Variants in TACC2 observed in about 807,000 individuals in gnomAD.
TACC2 encodes transforming acidic coiled-coil containing protein 2, also known as transforming acidic coiled-coil-containing protein 2.
A neutral mutation model predicts 227.3 loss-of-function variants in TACC2; 137 were observed. The observed-to-expected ratio is 0.60, with a 90% CI of 0.52 to 0.69. The LOEUF is 0.69. Among genes scored for constraint, TACC2 ranks in the 30% least tolerant of loss-of-function variants. TACC2 has a pLI of 0.00. For synonymous variants in TACC2, 1,523 were observed against 1,487.5 expected (o/e 1.02, Z -0.55); for missense variants, 3,470 against 3,694.4 (o/e 0.94, Z 1.57).
intron 7 of TACC2, among the ~76,000 whole-genome samples, chr10:122,146,522 G>A (rs997517562): frequency 2.0e-5 from 3 of 151,962 alleles, no homozygotes; most frequent in Non-Finnish European, 4.4e-5. Context: ...AGTGGGACTG[G>A]TGGCTTTATA....
chr10:122,027,581 C>T (rs1258064808), intron 2 of TACC2, among the ~76,000 whole-genome samples: 1 of 152,022 alleles, frequency 6.6e-6, no homozygotes, highest in African/African-American at 2.4e-5. Flanking sequence ...CTATTCTTGT[C>T]CATTGATTAT....
chr10:122,141,346 C>T lies in TACC2; in HGVS notation c.5700-2226C>T, dbSNP rs1225401241. Among the ~76,000 whole-genome samples, 2 of 151,980 alleles carry T rather than the reference C, an allele frequency of 1.3e-5. No homozygotes were observed. The highest frequency in any genetic ancestry group is 4.8e-5 in the African/African-American group (2 of 41,364). ...CCAACAGGCGGTGGAAGGAGGGGGG[C>T]GCCTTTCTTAAATGAGCTGTTGAGT... On this transcript the variant is annotated intron_variant, in intron 6 of 22. Coordinates refer to ENST00000369005, the MANE Select transcript of TACC2 (RefSeq NM_206862.4). The surrounding 1 kb of genome is among the most constrained non-coding windows in gnomAD (Gnocchi z 4.3).
intron 18 of TACC2, 136 bp downstream of exon 18, chr10:122,238,173 T>G: frequency 1.6e-6 from 1 of 633,560 alleles, no homozygotes; most frequent in Non-Finnish European, 2.7e-6. Flanking sequence ...CAGTTCATAT[T>G]TTTCTAAAAG....
chr10:122,170,263 CTTTTTTTTTT>C (rs34194262), intron 7 of TACC2, among the ~76,000 whole-genome samples: 5 of 63,214 alleles, frequency 7.9e-5, no homozygotes, highest in East Asian at 6.4e-4. Context: ...ATGATCAAGT[CTTTTTTTTTT>C]TTTTTTTTTT....
intron 3 of TACC2, among the ~76,000 whole-genome samples, chr10:122,060,034 G>A (rs918835136): frequency 2.6e-5 from 4 of 152,152 alleles, no homozygotes; most frequent in Admixed American, 6.5e-5. Context: ...CAGGAACTGC[G>A]TCTGGAATGA....
chr10:122,251,319 A>G (rs974479082), intron 22 of TACC2, among the ~76,000 whole-genome samples: 12 of 152,218 alleles, frequency 7.9e-5, no homozygotes, highest in African/African-American at 2.7e-4. Flanking sequence ...GCATATGTTC[A>G]ACTACCTGTT....
intron 7 of TACC2, among the ~76,000 whole-genome samples, chr10:122,173,057 G>A (rs1489766495): frequency 6.6e-6 from 1 of 152,114 alleles, no homozygotes; most frequent in Non-Finnish European, 1.5e-5. Context: ...TTGGTTGCAA[G>A]TAGAAAAAAA....
intron 10 of TACC2, among the ~76,000 whole-genome samples, chr10:122,216,112 CACT>C: frequency 6.6e-6 from 1 of 152,188 alleles, no homozygotes; most frequent in Non-Finnish European, 1.5e-5. Flanking sequence ...TGGAGGGAAG[CACT>C]CAGCCCTGGG....
At chr10:122,164,775 A>C (rs11200441) in intron 7 of TACC2, among the ~76,000 whole-genome samples, 16,821 of 151,836 alleles carry the variant, frequency 0.11, 1,074 homozygotes, top group African/African-American at 0.19. Flanking sequence ...TCCAAAGTGG[A>C]CCTCCCAGCC....
At position 122,229,405 on chromosome 10, in the gene TACC2, C is replaced by T. The variant is rs569372372; in HGVS notation, c.7956C>T (p.Pro2652=). ...CCCTCCTCAGCAGGCTAGCTCACCC[C>T]GTCTCTCTCTGTGGTGCACTTGACT... ...ADALLSRLAH[P]VSLCGALDYL... Residue 2652 remains proline (P), a synonymous_variant, in exon 15 of 23, where the codon CCC becomes CCT. Coordinates refer to ENST00000369005, the MANE Select transcript of TACC2 (RefSeq NM_206862.4). The T allele has an allele frequency of 4.6e-5, 75 of 1,614,056 alleles. 1 individual carries two copies. In the South Asian group the frequency reaches 5.9e-4, roughly 13 times the overall value.
chr10:122,107,885 T>A (rs570993546), intron 5 of TACC2, among the ~76,000 whole-genome samples: 4 of 46,240 alleles, frequency 8.7e-5, no homozygotes, highest in African/African-American at 1.8e-4. Context: ...TATATATTTT[T>A]TTTTTCTTTT....
At position 122,217,600 on chromosome 10, in the gene TACC2, G is replaced by A. The variant is rs547712743; in HGVS notation, c.7546+772G>A. Among the ~76,000 whole-genome samples, 327 of 151,190 alleles carry A rather than the reference G, an allele frequency of 2.2e-3. 2 individuals carry two copies. Among genetic ancestry groups the A allele is most frequent in the African/African-American group, 7.4e-3 (303 of 41,186 alleles). On this transcript the variant is annotated intron_variant, in intron 11 of 22. Coordinates refer to ENST00000369005, the MANE Select transcript of TACC2 (RefSeq NM_206862.4). Reference sequence around the variant, plus strand: ...ATTACAGGCGCGTGCCACCACCCCCGGCTAATTTTTTGTATTTTTAGTAGA... The same window carrying A: ...ATTACAGGCGCGTGCCACCACCCCCAGCTAATTTTTTGTATTTTTAGTAGA...
chr10:122,182,245 A>G (rs2093994590), intron 7 of TACC2, among the ~76,000 whole-genome samples: 1 of 152,188 alleles, frequency 6.6e-6, no homozygotes, highest in Admixed American at 6.5e-5. Flanking sequence ...GAGAACTATC[A>G]ATTTTTGGAT....
chr10:122,245,329 C>T (rs995683149), intron 19 of TACC2, among the ~76,000 whole-genome samples: 1 of 152,104 alleles, frequency 6.6e-6, no homozygotes, highest in Non-Finnish European at 1.5e-5. Context: ...ATTCTTGCCT[C>T]CCCCGTCTCC....
chr10:122,047,528 T>C (rs2075163424), intron 2 of TACC2, among the ~76,000 whole-genome samples: 1 of 152,042 alleles, frequency 6.6e-6, no homozygotes, highest in Non-Finnish European at 1.5e-5. Flanking sequence ...CCCCCTCTCG[T>C]GTGAGGAACC....
chr10:122,069,926 A>G (rs1175166319), intron 3 of TACC2, among the ~76,000 whole-genome samples: 29 of 152,150 alleles, frequency 1.9e-4, no homozygotes, highest in Admixed American at 1.9e-3. Context: ...AATCTTCCCA[A>G]ACTTGTCTCT....
intron 14 of TACC2, 56 bp downstream of exon 14, chr10:122,228,064 T>G: frequency 6.4e-6 from 10 of 1,551,972 alleles, no homozygotes; most frequent in Non-Finnish European, 8.8e-6. Flanking sequence ...GCCAGCTGCG[T>G]ATTGTCACCA....
At chr10:122,157,568 G>A (rs971633256) in intron 7 of TACC2, among the ~76,000 whole-genome samples, 1 of 151,560 alleles carries the variant, frequency 6.6e-6, no homozygotes, top group African/African-American at 2.4e-5. Flanking sequence ...ACTGATCATA[G>A]TGGTTGCCCT....
intron 19 of TACC2, among the ~76,000 whole-genome samples, chr10:122,244,389 G>A (rs767360935): frequency 2.9e-4 from 44 of 152,110 alleles, no homozygotes; most frequent in African/African-American, 9.2e-4. Flanking sequence ...CCCATTGACC[G>A]TCCTCTGTCA....
Sources: gnomAD v4.1 joint callset for allele counts (sites outside exome capture counted in the v4.1 genomes callset) on GRCh38, gnomAD v4.1.1 for gene constraint, Gnocchi (gnomAD v3.1) non-coding constraint, MANE v1.5 for transcripts, NCBI Gene and HGNC (gene_info 2026-07-23, HGNC 2026-07-21) for gene names.